Variants in PTPRG observed in about 807,000 individuals in gnomAD.
The protein encoded by PTPRG is receptor-type tyrosine-protein phosphatase gamma.
Under a neutral mutation model 165.3 loss-of-function variants are expected in PTPRG, and 102 were observed. The observed-to-expected ratio is 0.62, with a 90% confidence interval of 0.53 to 0.73. The LOEUF (loss-of-function observed/expected upper bound fraction) is 0.73, where lower values mean the gene tolerates loss of function less well. PTPRG is among the 30% of genes least tolerant of loss of function. The pLI, the probability that PTPRG is intolerant of heterozygous loss-of-function variation, is 0.00. For missense variants in PTPRG, 1,866 were observed against 1,861.4 expected, an observed-to-expected ratio of 1.00 and a Z score of -0.05; for synonymous variants, 675 against 669.5, an observed-to-expected ratio of 1.01 and a Z score of -0.13.
chr3:62,059,319 C>G (rs1388564999), intron 4 of PTPRG, among the ~76,000 whole-genome samples: 1 of 152,140 alleles, frequency 6.6e-6, no homozygotes, highest in African/African-American at 2.4e-5. Context: ...CATTCCATTC[C>G]CCTACTAGCA....
chr3:62,203,168 T>G lies in PTPRG; in HGVS notation c.1378-5T>G, dbSNP rs778247390. On this transcript the variant is annotated splice_polypyrimidine_tract_variant and splice_region_variant and intron_variant, in intron 11 of 29. Coordinates refer to ENST00000474889, the MANE Select transcript of PTPRG (RefSeq NM_002841.4). The surrounding 1 kb of genome is among the most constrained non-coding windows in gnomAD (Gnocchi z 6.4). The stretch of plus-strand genomic sequence containing the variant: ...TTTCCACCCTTGCCGGGTGACCCTT[T>G]CCAGCCCACAGCGTCTCCTGCCTCT... The G allele has an allele frequency of 6.4e-7, 1 of 1,572,882 alleles. No individual in the cohort carries two copies. Among genetic ancestry groups the G allele is most frequent in the East Asian group, 2.3e-5 (1 of 44,240 alleles).
At chr3:61,602,985 G>A (rs143663496) in intron 1 of PTPRG, among the ~76,000 whole-genome samples, 68 of 152,268 alleles carry the variant, frequency 4.5e-4, no homozygotes, top group African/African-American at 1.5e-3. Flanking sequence ...TGGTGTGTGT[G>A]GTAGTATTAC....
chr3:62,126,590 G>A (rs1313490437), intron 5 of PTPRG, among the ~76,000 whole-genome samples: 1 of 152,150 alleles, frequency 6.6e-6, no homozygotes, highest in Non-Finnish European at 1.5e-5. Flanking sequence ...GATGATACAG[G>A]GCCATACCTT....
At chr3:62,200,041 C>T (rs1393671152) in intron 10 of PTPRG, among the ~76,000 whole-genome samples, 1 of 151,978 alleles carries the variant, frequency 6.6e-6, no homozygotes, top group African/African-American at 2.4e-5. Flanking sequence ...ATGAAGTATC[C>T]GGAGCAGTCA....
intron 2 of PTPRG, among the ~76,000 whole-genome samples, chr3:61,812,939 C>T (rs899643366): frequency 2.2e-4 from 33 of 152,180 alleles, no homozygotes; most frequent in Admixed American, 2.0e-3. Flanking sequence ...TCTTAAATGC[C>T]CCCTTGCTTT....
chr3:62,288,516 T>C (rs1006842588), intron 28 of PTPRG, among the ~76,000 whole-genome samples: 5 of 151,880 alleles, frequency 3.3e-5, no homozygotes, highest in African/African-American at 1.2e-4. Context: ...CTACTAAAAA[T>C]ACAAAAATTA....
intron 5 of PTPRG, among the ~76,000 whole-genome samples, chr3:62,081,624 C>T (rs1180935115): frequency 4.6e-5 from 7 of 152,184 alleles, no homozygotes; most frequent in African/African-American, 9.7e-5. Context: ...GGATTATAGG[C>T]GTCAGCCACT....
intron 1 of PTPRG, among the ~76,000 whole-genome samples, chr3:61,650,139 GT>G (rs1222779681): frequency 6.6e-6 from 1 of 152,056 alleles, no homozygotes; most frequent in East Asian, 1.9e-4. Flanking sequence ...TTTTTCCCCT[GT>G]ACAAATGCAG....
chr3:61,708,429 G>C (rs1278363602), intron 1 of PTPRG, among the ~76,000 whole-genome samples: 2 of 149,988 alleles, frequency 1.3e-5, no homozygotes, highest in Non-Finnish European at 3.0e-5. Flanking sequence ...TAATGAACTG[G>C]GCTCTCTGCA....
intron 2 of PTPRG, among the ~76,000 whole-genome samples, chr3:61,946,728 A>G (rs763818210): frequency 4.6e-5 from 7 of 152,236 alleles, no homozygotes; most frequent in Non-Finnish European, 1.0e-4. Context: ...CTATTTTGGC[A>G]TTGCTCTCTT....
At chr3:62,272,662 G>A (rs963188178) in intron 21 of PTPRG, among the ~76,000 whole-genome samples, 2 of 152,038 alleles carry the variant, frequency 1.3e-5, no homozygotes, top group Non-Finnish European at 2.9e-5. Context: ...TGGCCAACAC[G>A]GTGAAACCTC....
At chr3:61,564,787 C>G (rs1310049034) in intron 1 of PTPRG, among the ~76,000 whole-genome samples, 1 of 152,156 alleles carries the variant, frequency 6.6e-6, no homozygotes, top group Non-Finnish European at 1.5e-5. Flanking sequence ...GCCACCTCCA[C>G]GCCTCAGGGA....
chr3:61,581,087 A>G (rs1346068135), intron 1 of PTPRG, among the ~76,000 whole-genome samples: 1 of 152,188 alleles, frequency 6.6e-6, no homozygotes, highest in Non-Finnish European at 1.5e-5. Context: ...TTTTGTACCC[A>G]TCTATAGCCA....
chr3:62,003,304 T>G, intron 3 of PTPRG, 45 bp from the exon 4 acceptor site: 1 of 1,580,446 alleles, frequency 6.3e-7, no homozygotes, highest in East Asian at 2.2e-5. Context: ...CCATTTGGTT[T>G]TGAAACTCAC....
chr3:62,025,946 A>G (rs2041794585), intron 4 of PTPRG, among the ~76,000 whole-genome samples: 1 of 152,220 alleles, frequency 6.6e-6, no homozygotes, highest in African/African-American at 2.4e-5. Context: ...GAAAAGGTTA[A>G]TGGAAATTGC....
chr3:62,136,865 G>C (rs1576048482), intron 6 of PTPRG, among the ~76,000 whole-genome samples: 1 of 152,086 alleles, frequency 6.6e-6, no homozygotes, highest in East Asian at 1.9e-4. Context: ...GCCCAGTCTT[G>C]GGCATGTCTT....
Position 62,199,901 on chromosome 3 carries a change from A to G in PTPRG, c.1328-1604A>G, listed in dbSNP as rs534648426. ...AAACAAAATGTGCTATATACACACA[A>G]TGGAATATTATTCACCCTCAAAAAG... is the stretch of plus-strand genomic sequence containing the variant. On this transcript the variant is annotated intron_variant, in intron 10 of 29. Transcript: ENST00000474889. Among the ~76,000 whole-genome samples the G allele has an allele frequency of 5.3e-5, 8 of 152,344 alleles. No homozygotes were observed. The East Asian group carries it at 9.6e-4, about 18-fold the overall frequency.
chr3:62,206,287 G>A (rs1265085243), intron 12 of PTPRG, among the ~76,000 whole-genome samples: 1 of 152,128 alleles, frequency 6.6e-6, no homozygotes, highest in African/African-American at 2.4e-5. Flanking sequence ...CCAGGTATGA[G>A]GTGTGTAGGT....
chr3:62,161,224 G>A (rs1270056235), intron 7 of PTPRG, among the ~76,000 whole-genome samples: 2 of 152,148 alleles, frequency 1.3e-5, no homozygotes, highest in African/African-American at 4.8e-5. Flanking sequence ...ATTAGGCGTT[G>A]TTGTTGTTGT....
Sources: allele counts gnomAD v4.1 joint callset (sites outside exome capture counted in the v4.1 genomes callset), GRCh38; gene constraint gnomAD v4.1.1; non-coding constraint Gnocchi (gnomAD v3.1); transcripts MANE v1.5; gene names NCBI Gene and HGNC (gene_info 2026-07-23, HGNC 2026-07-21).